The following FLVCR2 variants were observed in gnomAD, a reference collection of about 807,000 sequenced individuals.
FLVCR2 encodes FLVCR choline and putative heme transporter 2.
Under a neutral mutation model 48.9 loss-of-function variants are expected in FLVCR2, and 38 were observed. That is an observed-to-expected ratio of 0.78 (90% CI 0.60 to 1.02). FLVCR2 has a LOEUF of 1.02. Among genes scored for constraint, FLVCR2 ranks in the 50% least tolerant of loss-of-function variants. The pLI is 0.00. For synonymous variants in FLVCR2, 255 were observed against 257.0 expected, an observed-to-expected ratio of 0.99 and a Z score of 0.07; for missense variants, 664 against 663.3, an observed-to-expected ratio of 1.00 and a Z score of -0.01.
intron 3 of FLVCR2, among the ~76,000 whole-genome samples, chr14:75,627,639 T>C (rs1397964861): frequency 1.3e-5 from 2 of 152,212 alleles, no homozygotes; most frequent in Admixed American, 1.3e-4. Context: ...AAAAGCCCTA[T>C]TCATAGGACA....
At chr14:75,620,304 G>A (rs1419405120) in intron 1 of FLVCR2, among the ~76,000 whole-genome samples, 1 of 152,206 alleles carries the variant, frequency 6.6e-6, no homozygotes, top group East Asian at 1.9e-4. Flanking sequence ...TTCTGCAGAA[G>A]CCTGCCTGCC....
intron 1 of FLVCR2, among the ~76,000 whole-genome samples, chr14:75,609,914 G>A (rs1357114715): frequency 6.8e-6 from 1 of 147,790 alleles, no homozygotes; most frequent in Non-Finnish European, 1.5e-5. Flanking sequence ...TAGATGGGGG[G>A]TTAGTGTTAA....
At chr14:75,605,662 G>T (rs1489308647) in intron 1 of FLVCR2, 6 of 1,529,086 alleles carry the variant, frequency 3.9e-6, no homozygotes, top group Non-Finnish European at 5.3e-6. Flanking sequence ...ACTTCTTTGG[G>T]TTCAGCCGTG....
At chr14:75,637,184 T>C (rs1890185848) in intron 5 of FLVCR2, among the ~76,000 whole-genome samples, 1 of 152,252 alleles carries the variant, frequency 6.6e-6, no homozygotes, top group Non-Finnish European at 1.5e-5. Context: ...TCTGCATTTA[T>C]TCAGCTGGTG....
In FLVCR2 at chr14:75,646,522, C is replaced by T. The variant is rs1221883948; in HGVS notation, c.*50C>T. 1.5e-6 allele frequency: 2 copies of T among 1,306,160 alleles called. No individual in the cohort carries two copies. The highest frequency in any genetic ancestry group is 2.2e-6 in the Non-Finnish European group (2 of 900,294). 80.9% of individuals were successfully genotyped at this position (1,306,160 alleles called of 1,614,324 possible). A position where few individuals can be genotyped will look rare whatever the true frequency, so the allele number is the denominator to read the frequency against. ...AACACGAACACCCCACCTTTTCCTTCAGCACAGCTCTCACCGCCAGCACAA... is the reference window on the plus strand; with the variant it reads ...AACACGAACACCCCACCTTTTCCTTTAGCACAGCTCTCACCGCCAGCACAA... On this transcript the variant is annotated 3_prime_UTR_variant, in exon 10 of 10. Coordinates refer to ENST00000238667, the MANE Select transcript of FLVCR2 (RefSeq NM_017791.3).
Position 75,579,571 on chromosome 14 carries a change from G to A in FLVCR2, c.599G>A (p.Arg200His). 6.2e-7 allele frequency: 1 copy of A among 1,613,944 alleles called. No homozygotes were observed. Among genetic ancestry groups the A allele is most frequent in the Non-Finnish European group, 8.5e-7 (1 of 1,180,036 alleles). Residue 200 changes from arginine to histidine, a missense_variant, in exon 1 of 10, where the codon CGC (arginine) becomes CAC (histidine). Coordinates refer to ENST00000238667, the MANE Select transcript of FLVCR2 (RefSeq NM_017791.3). ...AQVFILGMPSRIASVWFGANE... is the reference protein window; with the variant it reads ...AQVFILGMPSHIASVWFGANE... ...GTTTTCATCCTGGGCATGCCCTCCC[G>A]CATCGCTTCCGTCTGGTTCGGGGCT... is the stretch of plus-strand genomic sequence containing the variant.
At chr14:75,633,003 C>T in intron 3 of FLVCR2, 1 of 701,930 alleles carries the variant, frequency 1.4e-6, no homozygotes, top group Non-Finnish European at 2.6e-6. Context: ...GGGCAAATGA[C>T]CTTATTCGCT....
At chr14:75,584,373 T>G (rs1349182994) in intron 1 of FLVCR2, among the ~76,000 whole-genome samples, 1 of 152,222 alleles carries the variant, frequency 6.6e-6, no homozygotes, top group Non-Finnish European at 1.5e-5. Context: ...GAAGCTTTTT[T>G]CTAACATCAG....
At chr14:75,644,239 C>T (rs565201649) in intron 9 of FLVCR2, among the ~76,000 whole-genome samples, 1 of 152,292 alleles carries the variant, frequency 6.6e-6, no homozygotes, top group African/African-American at 2.4e-5. Context: ...TCCTGCTTCC[C>T]AGAGATAACC....
chr14:75,636,336 G>T (rs545338034), intron 5 of FLVCR2, among the ~76,000 whole-genome samples: 5 of 152,166 alleles, frequency 3.3e-5, no homozygotes, highest in African/African-American at 9.6e-5. Flanking sequence ...AGCCTGGCTC[G>T]GCTTAATTAC....
intron 1 of FLVCR2, among the ~76,000 whole-genome samples, chr14:75,614,519 A>C (rs992071084): frequency 6.6e-6 from 1 of 152,226 alleles, no homozygotes; most frequent in Admixed American, 6.5e-5. Flanking sequence ...CTGAAAGATT[A>C]AAAAGGGGAT....
At chr14:75,619,827 C>T (rs1323678960) in intron 1 of FLVCR2, among the ~76,000 whole-genome samples, 1 of 152,198 alleles carries the variant, frequency 6.6e-6, no homozygotes, top group East Asian at 1.9e-4. Flanking sequence ...GGTGGAACAG[C>T]ACTCACTCAA....
Position 75,579,534 on chromosome 14 carries a change from T to C in FLVCR2, c.562T>C (p.Ser188Pro). The change falls in exon 1 of 10, where the codon TCT becomes CCT. Residue 188 changes from serine to proline, a missense_variant. Coordinates refer to ENST00000238667, the MANE Select transcript of FLVCR2 (RefSeq NM_017791.3). Reference sequence around the variant, plus strand: ...CACCGTGGTGGGCCAGCTCATCTGCTCTGTGGCCCAGGTTTTCATCCTGGG... The same window carrying C: ...CACCGTGGTGGGCCAGCTCATCTGCCCTGTGGCCCAGGTTTTCATCCTGGG... ...PVTVVGQLIC[S>P]VAQVFILGMP... 1 of 1,613,766 alleles carries C rather than the reference T, an allele frequency of 6.2e-7. No individual in the cohort carries two copies.
chr14:75,641,379 G>A lies in FLVCR2; in HGVS notation c.1453+86G>A, dbSNP rs931084101. 20 of 832,638 alleles carry A rather than the reference G, an allele frequency of 2.4e-5. No homozygotes were observed. In the African/African-American group the frequency reaches 2.7e-4, roughly 11 times the overall value. 51.6% of individuals were successfully genotyped at this position (832,638 alleles called of 1,614,324 possible). A position where few individuals can be genotyped will look rare whatever the true frequency, so the allele number is the denominator to read the frequency against. ...CGATGGAGCAACAGATAGGGAGTAC[G>A]TACGTAGGGGGACAGATGGAAGGGT... is the stretch of plus-strand genomic sequence containing the variant. On this transcript the variant is annotated intron_variant, in intron 8 of 9. Transcript: ENST00000238667.
chr14:75,631,210 C>G (rs141785793), intron 3 of FLVCR2, among the ~76,000 whole-genome samples: 2 of 152,188 alleles, frequency 1.3e-5, no homozygotes. Flanking sequence ...CCTTTAGCCC[C>G]GCTTCAGTCT....
chr14:75,587,760 G>T (rs543105478), intron 1 of FLVCR2, among the ~76,000 whole-genome samples: 19 of 152,304 alleles, frequency 1.2e-4, no homozygotes, highest in Admixed American at 9.8e-4. Context: ...AGAAAACCTT[G>T]TTTCCTTGGT....
chr14:75,622,137 G>C lies in FLVCR2; in HGVS notation c.728G>C (p.Arg243Pro), dbSNP rs1038722958. Residue 243 changes from arginine (R) to proline (P), a missense_variant, in exon 2 of 10, where the codon CGG becomes CCG. By Grantham distance (103) the Arg-to-Pro change is moderately radical. Transcript: ENST00000238667. ...PPVLVPNIED[R>P]DELAYHISIM... ...GTTTTGGTACCCAACATTGAAGACCGGGACGAGCTTGCCTACCACATCAGC... is the reference window on the plus strand; with the variant it reads ...GTTTTGGTACCCAACATTGAAGACCCGGACGAGCTTGCCTACCACATCAGC... 7 of 1,613,878 alleles carry C rather than the reference G, an allele frequency of 4.3e-6. No homozygotes were observed. The Admixed American group carries it at 1.0e-4, about 23-fold the overall frequency.
intron 1 of FLVCR2, among the ~76,000 whole-genome samples, chr14:75,609,071 G>GTT (rs112111169): frequency 2.0e-5 from 3 of 148,060 alleles, no homozygotes; most frequent in Admixed American, 6.8e-5. Flanking sequence ...CCTGTCATGT[G>GTT]TTTTTTTTTT....
intron 1 of FLVCR2, 135 bp downstream of exon 1, chr14:75,579,776 G>A (rs1230606668): frequency 4.1e-6 from 4 of 986,796 alleles, no homozygotes; most frequent in Admixed American, 4.0e-5. Flanking sequence ...GGTGTGACAG[G>A]CAGTGATTGT....
Sources: allele counts gnomAD v4.1 joint callset (sites outside exome capture counted in the v4.1 genomes callset), GRCh38; gene constraint gnomAD v4.1.1; transcripts MANE v1.5; gene names NCBI Gene and HGNC (gene_info 2026-07-23, HGNC 2026-07-21).